Variants in FBN1 observed in about 807,000 individuals in gnomAD.
FBN1 encodes the protein fibrillin 1.
In FBN1, 29 loss-of-function variants were observed where a neutral mutation model predicts 365.1. The ratio of observed to expected loss-of-function variants is 0.08; its 90% CI spans 0.06 to 0.11. The LOEUF (loss-of-function observed/expected upper bound fraction) is 0.11. Ranked by LOEUF, FBN1 falls within the 10% of genes least tolerant of loss-of-function variation. The pLI, the probability that FBN1 is intolerant of heterozygous loss-of-function variation, is 1.00. For synonymous variants in FBN1, 1,210 were observed against 1,270.5 expected (o/e 0.95, Z 1.01); for missense variants, 2,476 against 3,703.2 (o/e 0.67, Z 8.60).
chr15:48,554,330 C>T (rs1471043563), intron 6 of FBN1, among the ~76,000 whole-genome samples: 3 of 152,130 alleles, frequency 2.0e-5, no homozygotes, highest in Non-Finnish European at 2.9e-5. Flanking sequence ...TCACAGCAGT[C>T]GAGATTGAAG....
intron 6 of FBN1, among the ~76,000 whole-genome samples, chr15:48,538,940 G>C (rs1007636897): frequency 6.6e-6 from 1 of 152,194 alleles, no homozygotes; most frequent in Non-Finnish European, 1.5e-5. Context: ...CTACTGGGAT[G>C]CTTTCATTAT....
At chr15:48,502,491 G>A (rs2043669709) in intron 17 of FBN1, among the ~76,000 whole-genome samples, 1 of 151,824 alleles carries the variant, frequency 6.6e-6, no homozygotes, top group African/African-American at 2.4e-5. Context: ...GTTTCCTTTA[G>A]GGCAGAAATA....
chr15:48,465,749 T>A (rs754100146), intron 39 of FBN1, 41 bp downstream of exon 39: 1 of 1,613,020 alleles, frequency 6.2e-7, no homozygotes, highest in South Asian at 1.1e-5. Context: ...CCCAAGGAAA[T>A]TCAAGTTGTG....
chr15:48,412,135 C>T (rs886965044), intron 65 of FBN1, among the ~76,000 whole-genome samples: 27 of 152,198 alleles, frequency 1.8e-4, no homozygotes, highest in African/African-American at 5.5e-4. Flanking sequence ...TTCAGCTCCA[C>T]GTTATTTTTG....
At chr15:48,459,590 A>G (rs1285703058) in intron 43 of FBN1, among the ~76,000 whole-genome samples, 1 of 152,190 alleles carries the variant, frequency 6.6e-6, no homozygotes, top group Non-Finnish European at 1.5e-5. Context: ...ACCAGGGAAA[A>G]ACTCAGAGAA....
chr15:48,449,860 T>C (rs2043187280), intron 45 of FBN1, among the ~76,000 whole-genome samples: 1 of 152,158 alleles, frequency 6.6e-6, no homozygotes, highest in African/African-American at 2.4e-5. Context: ...AACACAGTAA[T>C]CATGAATGGA....
chr15:48,465,209 C>T (rs1273745431), intron 40 of FBN1, among the ~76,000 whole-genome samples: 1 of 152,134 alleles, frequency 6.6e-6, no homozygotes, highest in East Asian at 1.9e-4. Flanking sequence ...AAGAAGAGGG[C>T]CCAGAACTCC....
chr15:48,427,482 C>T, intron 58 of FBN1, 85 bp downstream of exon 58: 1 of 1,420,408 alleles, frequency 7.0e-7, no homozygotes, highest in Non-Finnish European at 9.8e-7. Flanking sequence ...GCACATATTG[C>T]AAACTCCATA....
intron 13 of FBN1, among the ~76,000 whole-genome samples, chr15:48,510,384 T>A (rs887836053): frequency 1.3e-5 from 2 of 152,208 alleles, no homozygotes; most frequent in African/African-American, 4.8e-5. Flanking sequence ...TGGCATTAGA[T>A]GTAACTCTAA....
rs141354694 is a variant in FBN1 at position 48,639,521 on chromosome 15, C to T, written c.164+5085G>A. On this transcript the variant is annotated intron_variant, in intron 2 of 65. Coordinates refer to ENST00000316623, the MANE Select transcript of FBN1 (RefSeq NM_000138.5). ...GGGTTATGGGGTATATGTCTCTGGC[C>T]TTCCACAGAACTAAACTCAAGCTAG... Among the ~76,000 whole-genome samples, 377 of 152,314 alleles carry T rather than the reference C, an allele frequency of 2.5e-3. 4 individuals carry two copies. The highest frequency in any genetic ancestry group is 9.0e-3 in the African/African-American group (373 of 41,570).
rs2141321499 is a variant in FBN1, at chr15:48,508,604, T to C, written c.1815A>G (p.Ala605=). The C allele has an allele frequency of 1.2e-6, 2 of 1,613,858 alleles. No homozygotes were observed. Among genetic ancestry groups the C allele is most frequent in the Non-Finnish European group, 8.5e-7 (1 of 1,179,752 alleles). ...AACCTTTGCAATAACGTCCATCTGA[T>C]GCCAGCTGGAATCCAGGTTTGCAAA... ...KCICKPGFQL[A]SDGRYCKDIN... The change falls in exon 15 of 66, where the codon GCA becomes GCG. Residue 605 remains alanine (A), a synonymous_variant. Coordinates refer to ENST00000316623, the MANE Select transcript of FBN1 (RefSeq NM_000138.5).
chr15:48,411,145 T>G lies in FBN1; in HGVS notation c.8461A>C (p.Lys2821Gln), dbSNP rs794728286. The change falls in exon 66 of 66, where the codon AAG becomes CAG. Residue 2821 changes from lysine to glutamine, a missense_variant. Around this residue, in one of 5 missense-constraint regions of FBN1, gnomAD observed 177 missense variants for 192.7 expected, o/e 0.92. Coordinates refer to ENST00000316623, the MANE Select transcript of FBN1 (RefSeq NM_000138.5). ...GISYLHFTKK[K>Q]PVAGTYSLQI... is the part of the protein sequence containing the mutation. ...AATGAATAGGTTCCAGCCACTGGCT[T>G]CTTCTTTGTGAAGTGGAGGTAGCTG... 5.0e-6 allele frequency: 8 copies of G among 1,614,050 alleles called. No individual in the cohort carries two copies. Among genetic ancestry groups the G allele is most frequent in the Non-Finnish European group, 5.9e-6 (7 of 1,180,026 alleles).
intron 6 of FBN1, among the ~76,000 whole-genome samples, chr15:48,568,082 A>C (rs189061654): frequency 6.2e-4 from 93 of 150,022 alleles, no homozygotes; most frequent in East Asian, 7.8e-4. Context: ...GAAAGAAAGA[A>C]AGACTATCTT....
intron 53 of FBN1, among the ~76,000 whole-genome samples, chr15:48,435,772 A>ATATATGTACATATGTGTG (rs1555395092): frequency 1.9e-5 from 2 of 106,346 alleles, no homozygotes; most frequent in Non-Finnish European, 3.7e-5. Context: ...ATATGTGTAT[A>ATATATGTACATATGTGTG]TGTGTGTGTG....
chr15:48,619,170 A>G (rs1246416280), intron 2 of FBN1, among the ~76,000 whole-genome samples: 1 of 152,082 alleles, frequency 6.6e-6, no homozygotes, highest in African/African-American at 2.4e-5. Flanking sequence ...CTGTAGACCC[A>G]AAGACTCTTT....
intron 17 of FBN1, 39 bp from the exon 18 acceptor site, chr15:48,499,077 T>C (rs1364791368): frequency 6.2e-7 from 1 of 1,604,602 alleles, no homozygotes; most frequent in Non-Finnish European, 8.5e-7. Flanking sequence ...TTCCCTTGTT[T>C]GCAGAACAGG....
At chr15:48,530,342 G>C (rs1266847562) in intron 8 of FBN1, among the ~76,000 whole-genome samples, 1 of 151,708 alleles carries the variant, frequency 6.6e-6, no homozygotes, top group African/African-American at 2.4e-5. Flanking sequence ...TGCATCCGCC[G>C]CCCGATCACA....
At chr15:48,411,588 A>C (rs2042864476) in intron 65 of FBN1, among the ~76,000 whole-genome samples, 1 of 152,228 alleles carries the variant, frequency 6.6e-6, no homozygotes. Flanking sequence ...GTCAGGAAGA[A>C]AGGCAGGTTG....
In FBN1 at chr15:48,410,692, G is replaced by A; in HGVS notation, c.*298C>T. 2.7e-6 allele frequency: 1 copy of A among 364,186 alleles called. No homozygotes were observed. Among genetic ancestry groups the A allele is most frequent in the South Asian group, 4.0e-5 (1 of 25,132 alleles). The allele number at this position is 364,186 out of a possible 1,614,324, so 22.6% of individuals were successfully genotyped here. ...CACATTCCCGTACGTTTGCTGGAAG[G>A]ATGGCATGTCAGCATAAATGGCCAA... is the stretch of plus-strand genomic sequence containing the variant. On this transcript the variant is annotated 3_prime_UTR_variant, in exon 66 of 66. Transcript: ENST00000316623.
Sources: gnomAD v4.1 joint callset for allele counts (sites outside exome capture counted in the v4.1 genomes callset) on GRCh38, gnomAD v4.1.1 for gene constraint, gnomAD v4.1.1 regional missense constraint, MANE v1.5 for transcripts, NCBI Gene and HGNC (gene_info 2026-07-23, HGNC 2026-07-21) for gene names.